PTPRO: variants seen among roughly 807,000 people sequenced by gnomAD.
The protein encoded by PTPRO is protein tyrosine phosphatase receptor type O.
A neutral mutation model predicts 145.2 loss-of-function variants in PTPRO; 62 were observed. The observed-to-expected ratio is 0.43, with a 90% confidence interval of 0.35 to 0.53. PTPRO has a LOEUF of 0.53. Ranked by LOEUF, PTPRO falls within the 20% of genes least tolerant of loss-of-function variation. The pLI is 0.01. For synonymous variants in PTPRO, 565 were observed against 514.7 expected (o/e 1.10, Z -1.32); for missense variants, 1,345 against 1,482.7 (o/e 0.91, Z 1.53).
At chr12:15,434,199 T>G (rs140252933) in intron 1 of PTPRO, among the ~76,000 whole-genome samples, 78 of 152,370 alleles carry the variant, frequency 5.1e-4, no homozygotes, top group Non-Finnish European at 8.5e-4. Flanking sequence ...AATAACACTT[T>G]TAACAATGTT....
chr12:15,531,001 C>G (rs556141456), intron 12 of PTPRO, among the ~76,000 whole-genome samples: 2 of 151,708 alleles, frequency 1.3e-5, no homozygotes, highest in East Asian at 3.9e-4. Context: ...AGAGAGAAGA[C>G]CCAAAGAAAT....
intron 1 of PTPRO, among the ~76,000 whole-genome samples, chr12:15,426,147 T>G (rs1940279768): frequency 6.6e-6 from 1 of 151,656 alleles, no homozygotes; most frequent in African/African-American, 2.4e-5. Flanking sequence ...TTTGGTAAGC[T>G]TATTTCTAAG....
intron 7 of PTPRO, among the ~76,000 whole-genome samples, 199 bp downstream of exon 7, chr12:15,508,966 C>T (rs1490328033): frequency 6.6e-6 from 1 of 152,174 alleles, no homozygotes; most frequent in Non-Finnish European, 1.5e-5. Context: ...CCTTTCTCTT[C>T]AGAGGAGGGT....
At chr12:15,436,997 G>A (rs543881018) in intron 1 of PTPRO, among the ~76,000 whole-genome samples, 18 of 152,074 alleles carry the variant, frequency 1.2e-4, no homozygotes, top group South Asian at 2.1e-4. Flanking sequence ...CCCTGAGATC[G>A]TGGTGCAACA....
chr12:15,434,662 T>C (rs1046193486), intron 1 of PTPRO, among the ~76,000 whole-genome samples: 2 of 152,206 alleles, frequency 1.3e-5, no homozygotes, highest in Non-Finnish European at 2.9e-5. Flanking sequence ...TGGTAGGCTT[T>C]TCAACAAGCT....
At chr12:15,345,609 G>T (rs1006201370) in intron 1 of PTPRO, among the ~76,000 whole-genome samples, 1 of 152,056 alleles carries the variant, frequency 6.6e-6, no homozygotes, top group Non-Finnish European at 1.5e-5. Flanking sequence ...GGCCTGTCGG[G>T]GGGTGGGGGG....
At chr12:15,494,372 G>A (rs932562950) in intron 2 of PTPRO, among the ~76,000 whole-genome samples, 1 of 152,126 alleles carries the variant, frequency 6.6e-6, no homozygotes, top group Non-Finnish European at 1.5e-5. Flanking sequence ...CTTAGATTAG[G>A]ATTTAACCTT....
intron 1 of PTPRO, among the ~76,000 whole-genome samples, chr12:15,343,321 C>T (rs1031622668): frequency 6.6e-6 from 1 of 151,976 alleles, no homozygotes; most frequent in Non-Finnish European, 1.5e-5. Context: ...TATTGAAAGT[C>T]CTAATTATCT....
chr12:15,510,400 G>GT (rs1324986151), intron 7 of PTPRO, among the ~76,000 whole-genome samples: 10 of 152,280 alleles, frequency 6.6e-5, no homozygotes, highest in Admixed American at 2.6e-4. Flanking sequence ...AGAAAAACGT[G>GT]TTTTCCCCTA....
intron 1 of PTPRO, among the ~76,000 whole-genome samples, chr12:15,334,759 G>A (rs917709874): frequency 1.6e-4 from 25 of 152,190 alleles, no homozygotes; most frequent in Non-Finnish European, 3.4e-4. Flanking sequence ...ACTGAAAGGA[G>A]TTTTTGCTCC....
chr12:15,444,304 A>T (rs1042020238), intron 1 of PTPRO, among the ~76,000 whole-genome samples: 1 of 152,070 alleles, frequency 6.6e-6, no homozygotes, highest in Middle Eastern at 3.2e-3. Flanking sequence ...GGACATAAAG[A>T]TGGCAACAAC....
rs1383510909 is a variant in PTPRO at position 15,450,926 on chromosome 12, GA to G, written c.76-33040del. On this transcript the variant is annotated intron_variant, in intron 1 of 26. Coordinates refer to ENST00000281171, the MANE Select transcript of PTPRO (RefSeq NM_030667.3). ...ACAGGACCTATAAAACAACAATAAAGAAAAAAAAGGTATTCAGGCAACAAAT... is the reference window on the plus strand; with the variant it reads ...ACAGGACCTATAAAACAACAATAAAGAAAAAAAGGTATTCAGGCAACAAAT... Among the ~76,000 whole-genome samples, 4 of 151,814 alleles carry G rather than the reference GA, an allele frequency of 2.6e-5. No homozygotes were observed. The East Asian group carries it at 7.7e-4, about 29-fold the overall frequency.
intron 7 of PTPRO, among the ~76,000 whole-genome samples, chr12:15,512,241 A>G (rs1942456756): frequency 6.6e-6 from 1 of 152,078 alleles, no homozygotes; most frequent in Non-Finnish European, 1.5e-5. Context: ...CAACTTCCCA[A>G]GGAGCTGGGA....
At chr12:15,498,858 A>G (rs929169298) in intron 3 of PTPRO, among the ~76,000 whole-genome samples, 1 of 152,222 alleles carries the variant, frequency 6.6e-6, no homozygotes, top group Non-Finnish European at 1.5e-5. Flanking sequence ...TTTCAATTCA[A>G]TAAGTGGTAC....
intron 25 of PTPRO, 115 bp downstream of exon 25, chr12:15,589,705 AT>A: frequency 7.5e-7 from 1 of 1,327,736 alleles, no homozygotes; most frequent in Non-Finnish European, 1.1e-6. Flanking sequence ...TTTCTTTCCC[AT>A]TTTCTTATTG....
At chr12:15,334,122 C>G (rs1267544900) in intron 1 of PTPRO, among the ~76,000 whole-genome samples, 1 of 152,166 alleles carries the variant, frequency 6.6e-6, no homozygotes, top group Non-Finnish European at 1.5e-5. Context: ...TCTGGAAACT[C>G]ACACAACTAA....
intron 9 of PTPRO, chr12:15,517,198 G>T (rs1942618245): frequency 5.4e-6 from 3 of 553,258 alleles, no homozygotes; most frequent in African/African-American, 1.9e-5. Flanking sequence ...ATGACAGAAG[G>T]CAAGGAGGAG....
chr12:15,353,536 A>G (rs1479972421), intron 1 of PTPRO, among the ~76,000 whole-genome samples: 1 of 152,190 alleles, frequency 6.6e-6, no homozygotes, highest in Non-Finnish European at 1.5e-5. Flanking sequence ...TGTCTAACGA[A>G]TTCCCACTGA....
At position 15,504,052 on chromosome 12, in the gene PTPRO, C is replaced by T. The variant is rs904566156; in HGVS notation, c.1250C>T (p.Ser417Leu). ...ACTCGAAAAAGTCAGTCAGCAAAAT[C>T]ACTCAGCTTTTATATCAGTAAGTAA... Reference protein sequence around the residue: ...CETRKSQSAKSLSFYISPSGE... With the variant: ...CETRKSQSAKLLSFYISPSGE... Residue 417 changes from serine (S) to leucine (L), a missense_variant, in exon 6 of 27, where the codon TCA becomes TTA. Ser to Leu is a moderately radical substitution (Grantham distance 145). This residue lies in a region of PTPRO where 1,130 missense variants were observed against 1,214.7 expected (regional missense o/e 0.93). Coordinates refer to ENST00000281171, the MANE Select transcript of PTPRO (RefSeq NM_030667.3). The T allele has an allele frequency of 9.9e-6, 16 of 1,612,648 alleles. No individual in the cohort carries two copies. The highest frequency in any genetic ancestry group is 1.4e-5 in the Non-Finnish European group (16 of 1,178,960).
Sources: gnomAD v4.1 joint callset for allele counts (sites outside exome capture counted in the v4.1 genomes callset) on GRCh38, gnomAD v4.1.1 for gene constraint, gnomAD v4.1.1 regional missense constraint, MANE v1.5 for transcripts, NCBI Gene and HGNC (gene_info 2026-07-23, HGNC 2026-07-21) for gene names.